The following ASB4 variants were observed in gnomAD, a reference collection of about 807,000 sequenced individuals.
ASB4 encodes ankyrin repeat and SOCS box containing 4.
Under a neutral mutation model 38.6 loss-of-function variants are expected in ASB4, and 35 were observed. The ratio of observed to expected loss-of-function variants is 0.91; its 90% CI spans 0.69 to 1.20. ASB4 has a LOEUF of 1.20. Ranked by LOEUF, ASB4 falls within the 50% of genes most tolerant of loss-of-function variation. The pLI, the probability that ASB4 is intolerant of heterozygous loss-of-function variation, is 0.00. For synonymous variants in ASB4, 195 were observed against 201.3 expected (o/e 0.97, Z 0.26); for missense variants, 557 against 527.2 (o/e 1.06, Z -0.55).
chr7:95,499,303 G>A (rs1049316575), intron 2 of ASB4, among the ~76,000 whole-genome samples: 1 of 152,178 alleles, frequency 6.6e-6, no homozygotes, highest in Admixed American at 6.5e-5. Flanking sequence ...GTGAATCTAT[G>A]AAAAAGCCCC....
At chr7:95,536,080 C>T (rs997434470) in intron 3 of ASB4, among the ~76,000 whole-genome samples, 1 of 152,212 alleles carries the variant, frequency 6.6e-6, no homozygotes, top group Non-Finnish European at 1.5e-5. Flanking sequence ...TTTTCACTTG[C>T]TCGTGGAAGG....
Position 95,536,475 on chromosome 7 carries a change from AGTT to A in ASB4, c.1020_1022del (p.Val342del), listed in dbSNP as rs773387755. On this transcript the variant is annotated inframe_deletion, in exon 4 of 5. Coordinates refer to ENST00000325885, the MANE Select transcript of ASB4 (RefSeq NM_016116.3). ...GCCATTCTTGTCCTAAAGCAATTGA[AGTT>A]GTAGTCAATGCCTATGAACACATCA... is the stretch of plus-strand genomic sequence containing the variant. 1.2e-6 allele frequency: 2 copies of A among 1,613,438 alleles called. No homozygotes were observed. The highest frequency in any genetic ancestry group is 1.7e-6 in the Non-Finnish European group (2 of 1,179,454).
chr7:95,489,191 A>G (rs1790135693), intron 1 of ASB4, among the ~76,000 whole-genome samples: 1 of 152,234 alleles, frequency 6.6e-6, no homozygotes, highest in South Asian at 2.1e-4. Flanking sequence ...TGCTTCCCAA[A>G]TTTACAATCT....
the ASB4 span, among the ~76,000 whole-genome samples, chr7:95,546,670 A>G: frequency 2.6e-5 from 4 of 152,270 alleles, no homozygotes; most frequent in East Asian, 7.7e-4. Flanking sequence ...CTTAGAGTTG[A>G]TAGGCAAGGT....
intron 2 of ASB4, among the ~76,000 whole-genome samples, chr7:95,504,703 AC>A (rs1790384585): frequency 6.6e-6 from 1 of 152,152 alleles, no homozygotes; most frequent in African/African-American, 2.4e-5. Flanking sequence ...CTTGACATAC[AC>A]TGAGGGTAAC....
At chr7:95,502,395 G>C (rs911619114) in intron 2 of ASB4, among the ~76,000 whole-genome samples, 6 of 151,316 alleles carry the variant, frequency 4.0e-5, no homozygotes, top group South Asian at 2.1e-4. Flanking sequence ...AGCCTGCGGG[G>C]GGGGGGCAAA....
intron 2 of ASB4, among the ~76,000 whole-genome samples, chr7:95,516,454 TTGAG>T (rs968819367): frequency 1.3e-5 from 2 of 152,174 alleles, no homozygotes; most frequent in African/African-American, 2.4e-5. Flanking sequence ...TTCTTTAAGG[TTGAG>T]TAAGTTAAAA....
the ASB4 span, among the ~76,000 whole-genome samples, chr7:95,549,888 G>A: frequency 0.013 from 2,007 of 152,154 alleles, 51 homozygotes; most frequent in African/African-American, 0.046. Flanking sequence ...GGAGTTTGAC[G>A]AGCAGGGAGT....
intron 3 of ASB4, 91 bp downstream of exon 3, chr7:95,528,394 T>C (rs1226586252): frequency 6.3e-7 from 1 of 1,587,134 alleles, no homozygotes; most frequent in Non-Finnish European, 8.5e-7. Context: ...TGCTTGAGGC[T>C]TGAGTCCTGG....
chr7:95,524,340 A>G (rs1022996150), intron 2 of ASB4, among the ~76,000 whole-genome samples: 1 of 152,244 alleles, frequency 6.6e-6, no homozygotes, highest in African/African-American at 2.4e-5. Flanking sequence ...ATTTTCACCA[A>G]TACAATATTG....
intron 1 of ASB4, 146 bp downstream of exon 1, chr7:95,486,304 T>C: frequency 1.5e-6 from 1 of 663,502 alleles, no homozygotes; most frequent in Non-Finnish European, 2.4e-6. Context: ...TTTTCTTTCT[T>C]TTTAAACTAA....
At position 95,528,064 on chromosome 7, in the gene ASB4, G is replaced by T. The variant is rs746173040; in HGVS notation, c.739G>T (p.Ala247Ser). 6.2e-7 allele frequency: 1 copy of T among 1,614,154 alleles called. No homozygotes were observed. Among genetic ancestry groups the T allele is most frequent in the Admixed American group, 1.7e-5 (1 of 60,028 alleles). The change falls in exon 3 of 5, where the codon GCC becomes TCC. Residue 247 changes from alanine to serine, a missense_variant. By Grantham distance (99) the Ala-to-Ser change is moderately conservative. Transcript: ENST00000325885. ...MLLDYKAEVN[A>S]RDDDFKSPLH... is the part of the protein sequence containing the mutation. ...GCTTGACTACAAAGCCGAAGTCAATGCCCGAGATGACGACTTTAAATCTCC... is the reference window on the plus strand; with the variant it reads ...GCTTGACTACAAAGCCGAAGTCAATTCCCGAGATGACGACTTTAAATCTCC...
chr7:95,486,203 T>A (rs778359982), intron 1 of ASB4, 45 bp downstream of exon 1: 13 of 1,500,240 alleles, frequency 8.7e-6, no homozygotes, highest in Admixed American at 1.9e-5. Flanking sequence ...GAAAATGATT[T>A]AAAAAAATGC....
At position 95,522,982 on chromosome 7, in the gene ASB4, A is replaced by C. The variant is rs185203147; in HGVS notation, c.488-4831A>C. On this transcript the variant is annotated intron_variant, in intron 2 of 4. Transcript: ENST00000325885. ...AAACAATGTACTCTGCCCACTTAGA[A>C]TGAAAACTGCTACAAATTTTATAGG... is the stretch of plus-strand genomic sequence containing the variant. Among the ~76,000 whole-genome samples, 6 of 152,322 alleles carry C rather than the reference A, an allele frequency of 3.9e-5. No individual in the cohort carries two copies. In the East Asian group the frequency reaches 9.6e-4, roughly 24 times the overall value.
At chr7:95,513,293 A>G (rs1356565941) in intron 2 of ASB4, among the ~76,000 whole-genome samples, 4 of 89,228 alleles carry the variant, frequency 4.5e-5, no homozygotes, top group South Asian at 5.1e-4. Flanking sequence ...AGCCAATAGA[A>G]TGTGTGTGTG....
chr7:95,475,362 T>A (rs1789967439), upstream of ASB4, among the ~76,000 whole-genome samples: 1 of 152,112 alleles, frequency 6.6e-6, no homozygotes, highest in African/African-American at 2.4e-5. Context: ...GGTCAGTGAC[T>A]CCCCATTGCA....
chr7:95,534,766 T>A (rs1790865439), intron 3 of ASB4, among the ~76,000 whole-genome samples: 1 of 152,236 alleles, frequency 6.6e-6, no homozygotes, highest in South Asian at 2.1e-4. Flanking sequence ...GGTTGTAAAC[T>A]GCTTAAAGAC....
intron 3 of ASB4, among the ~76,000 whole-genome samples, chr7:95,533,596 C>T (rs1204633901): frequency 6.6e-6 from 1 of 152,172 alleles, no homozygotes; most frequent in African/African-American, 2.4e-5. Flanking sequence ...TGAATGCTTT[C>T]TTCATTTGGT....
chr7:95,528,024 G>T lies in ASB4; in HGVS notation c.699G>T (p.Leu233=), dbSNP rs750196945. 1.2e-6 allele frequency: 2 copies of T among 1,614,102 alleles called. No individual in the cohort carries two copies. Among genetic ancestry groups the T allele is most frequent in the East Asian group, 4.5e-5 (2 of 44,832 alleles). Reference sequence around the variant, plus strand: ...AGGAGTACAGCACGGAGCACCACCTGGTCTGCCGCATGCTGCTTGACTACA... The same window carrying T: ...AGGAGTACAGCACGGAGCACCACCTTGTCTGCCGCATGCTGCTTGACTACA... ...KEQEYSTEHH[L]VCRMLLDYKA... The change falls in exon 3 of 5, where the codon CTG becomes CTT. Residue 233 remains leucine (L), a synonymous_variant. Coordinates refer to ENST00000325885, the MANE Select transcript of ASB4 (RefSeq NM_016116.3).
Sources: allele counts gnomAD v4.1 joint callset (sites outside exome capture counted in the v4.1 genomes callset), GRCh38; gene constraint gnomAD v4.1.1; transcripts MANE v1.5; gene names NCBI Gene and HGNC (gene_info 2026-07-23, HGNC 2026-07-21).